STRN3: variants seen among roughly 807,000 people sequenced by gnomAD.
The protein encoded by STRN3 is striatin 3.
A neutral mutation model predicts 95.6 loss-of-function variants in STRN3; 29 were observed. That is an observed-to-expected ratio of 0.30 (90% confidence interval 0.23 to 0.41). The LOEUF is 0.41. STRN3 is among the 10% of genes least tolerant of loss of function. The pLI is 1.00. For missense variants in STRN3, 890 were observed against 972.1 expected, an observed-to-expected ratio of 0.92 and a Z score of 1.12; for synonymous variants, 331 against 357.6, an observed-to-expected ratio of 0.93 and a Z score of 0.84.
rs1345333778 is a variant in STRN3 at position 30,955,709 on chromosome 14, C to G, written c.387-16G>C. ...ATATTTTGCCCTGAAAATTTAATCA[C>G]AAATTAGTAAAATCACAACTTCTTC... is the stretch of plus-strand genomic sequence containing the variant. On this transcript the variant is annotated splice_polypyrimidine_tract_variant and intron_variant, in intron 2 of 17. Transcript: ENST00000357479. 23 of 1,567,242 alleles carry G rather than the reference C, an allele frequency of 1.5e-5. No individual in the cohort carries two copies. The highest frequency in any genetic ancestry group is 1.9e-5 in the Non-Finnish European group (22 of 1,163,098).
chr14:30,926,948 T>G (rs967416247), intron 8 of STRN3, among the ~76,000 whole-genome samples: 3 of 152,076 alleles, frequency 2.0e-5, no homozygotes, highest in African/African-American at 7.2e-5. Context: ...TGACATAAAA[T>G]GATGTTTTCT....
intron 5 of STRN3, among the ~76,000 whole-genome samples, chr14:30,940,266 A>G (rs1241573060): frequency 6.6e-6 from 1 of 152,022 alleles, no homozygotes; most frequent in Non-Finnish European, 1.5e-5. Context: ...TCTTTATTAG[A>G]TATCTTTTTT....
Position 30,919,056 on chromosome 14 carries a change from C to T in STRN3, c.1150G>A (p.Glu384Lys). ...YDMIADLGDD[E>K]LPHIPSGIIN... is the part of the protein sequence containing the mutation. ...ATTCCTGAAGGGATGTGGGGCAGCT[C>T]ATCATCTCCCAGATCAGCTATCATG... Residue 384 changes from glutamate to lysine, a missense_variant, in exon 9 of 18, where the codon GAG (glutamate) becomes AAG (lysine). This residue lies in a region of STRN3 where 526 missense variants were observed against 526.3 expected (regional missense o/e 1.00). Coordinates refer to ENST00000357479, the MANE Select transcript of STRN3 (RefSeq NM_001083893.2). The T allele has an allele frequency of 6.2e-7, 1 of 1,611,774 alleles. No homozygotes were observed. The highest frequency in any genetic ancestry group is 8.5e-7 in the Non-Finnish European group (1 of 1,178,656).
At chr14:30,981,607 C>CACACACACACACA (rs1555323903) in intron 1 of STRN3, among the ~76,000 whole-genome samples, 7 of 149,918 alleles carry the variant, frequency 4.7e-5, no homozygotes, top group African/African-American at 9.8e-5. Flanking sequence ...CACACACACA[C>CACACACACACACA]CCCATAATTC....
intron 1 of STRN3, among the ~76,000 whole-genome samples, chr14:30,985,402 G>A (rs923819399): frequency 6.6e-6 from 1 of 151,712 alleles, no homozygotes; most frequent in Middle Eastern, 3.4e-3. Flanking sequence ...TCGGGAGTTC[G>A]AGACCAACCT....
chr14:30,951,537 A>T (rs1345656613), intron 3 of STRN3, among the ~76,000 whole-genome samples: 1 of 151,988 alleles, frequency 6.6e-6, no homozygotes, highest in African/African-American at 2.4e-5. Context: ...TGGCAATTTA[A>T]TTTTTTTTAA....
chr14:30,927,297 TA>T (rs999964527), intron 8 of STRN3, among the ~76,000 whole-genome samples: 9 of 151,870 alleles, frequency 5.9e-5, no homozygotes, highest in African/African-American at 2.2e-4. Flanking sequence ...ACCTGGGTTC[TA>T]AAAAAAATAA....
chr14:30,999,190 C>T (rs1239018372), intron 1 of STRN3, among the ~76,000 whole-genome samples: 2 of 152,102 alleles, frequency 1.3e-5, no homozygotes, highest in Non-Finnish European at 2.9e-5. Context: ...ACTACAGGTG[C>T]ATGTGCCACC....
At position 30,906,901 on chromosome 14, in the gene STRN3, T is replaced by G; in HGVS notation, c.1864A>C (p.Ile622Leu). The change falls in exon 14 of 18, where the codon ATT (isoleucine) becomes CTT (leucine). Residue 622 changes from isoleucine (I) to leucine (L), a missense_variant. Around this residue, in one of 3 missense-constraint regions of STRN3, gnomAD observed 357 missense variants for 422.8 expected, o/e 0.84. Transcript: ENST00000357479. ...CTTTTATCTCCATTGTAAGTGCAAA[T>G]ACATGGCAATTTTTCTTGTGGATTC... ...LWNPQEKLPC[I>L]CTYNGDKKHG... 6.2e-7 allele frequency: 1 copy of G among 1,612,592 alleles called. No homozygotes were observed. Among genetic ancestry groups the G allele is most frequent in the Non-Finnish European group, 8.5e-7 (1 of 1,179,578 alleles).
intron 1 of STRN3, among the ~76,000 whole-genome samples, chr14:30,989,618 G>C (rs1472926416): frequency 1.3e-5 from 2 of 151,752 alleles, no homozygotes; most frequent in African/African-American, 2.4e-5. Flanking sequence ...CCGCCACCTC[G>C]CCTGGCTAAT....
At chr14:31,024,781 TA>T (rs1883709280) in intron 1 of STRN3, among the ~76,000 whole-genome samples, 1 of 152,206 alleles carries the variant, frequency 6.6e-6, no homozygotes, top group East Asian at 1.9e-4. Flanking sequence ...ACCCCCTAAA[TA>T]CACAACAGTC....
intron 1 of STRN3, among the ~76,000 whole-genome samples, chr14:31,000,467 T>C (rs900253818): frequency 3.5e-5 from 5 of 144,544 alleles, no homozygotes; most frequent in East Asian, 4.0e-4. Flanking sequence ...GGGCAACCAA[T>C]AGGAAAATAA....
chr14:30,938,982 A>C (rs561683728), intron 5 of STRN3, among the ~76,000 whole-genome samples: 67 of 152,266 alleles, frequency 4.4e-4, no homozygotes, highest in African/African-American at 1.5e-3. Context: ...ATGGATCCTG[A>C]AATAAGTCAT....
intron 1 of STRN3, among the ~76,000 whole-genome samples, chr14:30,993,580 A>T (rs1882064132): frequency 6.6e-6 from 1 of 152,150 alleles, no homozygotes; most frequent in African/African-American, 2.4e-5. Context: ...GCTTTATTCA[A>T]AAGAAATTTA....
intron 1 of STRN3, among the ~76,000 whole-genome samples, chr14:30,986,571 T>G (rs1023242501): frequency 6.6e-6 from 1 of 152,238 alleles, no homozygotes; most frequent in Non-Finnish European, 1.5e-5. Flanking sequence ...TTCCATACTA[T>G]GCAGAAAACA....
chr14:30,965,662 A>C (rs1285844731), intron 1 of STRN3, among the ~76,000 whole-genome samples: 3 of 152,000 alleles, frequency 2.0e-5, no homozygotes, highest in African/African-American at 4.8e-5. Flanking sequence ...TCTACTAAAA[A>C]AATTAGCCAG....
chr14:31,008,447 G>A (rs1404963146), intron 1 of STRN3, among the ~76,000 whole-genome samples: 2 of 152,116 alleles, frequency 1.3e-5, no homozygotes, highest in East Asian at 3.9e-4. Context: ...GGTCGAGACT[G>A]CAGTGAGCCA....
At chr14:30,977,670 G>A (rs1881173472) in intron 1 of STRN3, among the ~76,000 whole-genome samples, 1 of 151,150 alleles carries the variant, frequency 6.6e-6, no homozygotes, top group Non-Finnish European at 1.5e-5. Context: ...GTGGGCGCCT[G>A]TAATCCCAGC....
intron 5 of STRN3, 113 bp downstream of exon 5, chr14:30,946,977 G>A: frequency 1.6e-6 from 1 of 643,820 alleles, no homozygotes; most frequent in South Asian, 3.2e-5. Flanking sequence ...AAGACTCCGT[G>A]TCAAAAAAAA....
Sources: allele counts gnomAD v4.1 joint callset (sites outside exome capture counted in the v4.1 genomes callset), GRCh38; gene constraint gnomAD v4.1.1; regional missense constraint gnomAD v4.1.1; transcripts MANE v1.5; gene names NCBI Gene and HGNC (gene_info 2026-07-23, HGNC 2026-07-21).